GALNT13: variants seen among roughly 807,000 people sequenced by gnomAD.
GALNT13 encodes the protein UDP-GalNAc:polypeptide N-acetylgalactosaminyltransferase 13.
A neutral mutation model predicts 64.2 loss-of-function variants in GALNT13; 28 were observed. That is an observed-to-expected ratio of 0.44 (90% CI 0.32 to 0.60). GALNT13 has a LOEUF of 0.60. Ranked by LOEUF, GALNT13 falls within the 20% of genes least tolerant of loss-of-function variation. The probability of loss-of-function intolerance (pLI) is 0.05; values close to 1 mark genes in which losing one functional copy is unlikely to be tolerated. For missense variants in GALNT13, 577 were observed against 669.8 expected, an observed-to-expected ratio of 0.86 and a Z score of 1.53; for synonymous variants, 214 against 224.6, an observed-to-expected ratio of 0.95 and a Z score of 0.42.
intron 3 of GALNT13, among the ~76,000 whole-genome samples, chr2:154,132,649 A>C (rs949872410): frequency 6.6e-6 from 1 of 151,910 alleles, no homozygotes; most frequent in South Asian, 2.1e-4. Context: ...ACTTTGGGAG[A>C]CTGAGGCAGG....
intron 4 of GALNT13, among the ~76,000 whole-genome samples, chr2:154,173,935 T>C (rs1280212118): frequency 2.6e-5 from 4 of 152,052 alleles, no homozygotes; most frequent in Non-Finnish European, 4.4e-5. Flanking sequence ...CCACACACTG[T>C]TGGTGAGAAT....
intron 3 of GALNT13, among the ~76,000 whole-genome samples, chr2:154,101,812 T>C (rs1263563474): frequency 2.6e-5 from 4 of 152,134 alleles, no homozygotes; most frequent in African/African-American, 9.6e-5. Context: ...TTGCTTTTGC[T>C]GTATCCCAGA....
the GALNT13 span, among the ~76,000 whole-genome samples, chr2:153,227,093 A>G: frequency 6.6e-6 from 1 of 152,240 alleles, no homozygotes; most frequent in East Asian, 1.9e-4. Context: ...GTGATGGGAA[A>G]CAATGTCAAA....
Position 153,914,936 on chromosome 2 carries a change from C to T in GALNT13, c.-105+13929C>T, listed in dbSNP as rs536369328. 3.3e-5 allele frequency among the ~76,000 whole-genome samples: 5 copies of T among 152,220 alleles called. No homozygotes were observed. The South Asian group carries it at 8.3e-4, about 25-fold the overall frequency. On this transcript the variant is annotated intron_variant, in intron 2 of 12. Transcript: ENST00000392825. ...GACAGGAGGGTGCCTGGATCCTGTT[C>T]TCCAGTCTTTATCTTAGACATGGCC...
the GALNT13 span, among the ~76,000 whole-genome samples, chr2:153,294,730 A>C: frequency 1.3e-5 from 2 of 152,218 alleles, no homozygotes; most frequent in Admixed American, 1.3e-4. Context: ...TGTAAGAAAT[A>C]GAAAAGCTAG....
In GALNT13 at chr2:153,992,159, G is replaced by A. The variant is rs563196950; in HGVS notation, c.142+47520G>A. ...TGTTTTTATGTTATGTTTTCAATCC[G>A]TAAGTTCTTCAAATAACTAGAAAAA... On this transcript the variant is annotated intron_variant, in intron 3 of 12. Coordinates refer to ENST00000392825, the MANE Select transcript of GALNT13 (RefSeq NM_052917.4). 7.9e-5 allele frequency among the ~76,000 whole-genome samples: 12 copies of A among 152,140 alleles called. 1 individual carries two copies. The highest frequency in any genetic ancestry group is 4.1e-4 in the South Asian group (2 of 4,822).
the GALNT13 span, among the ~76,000 whole-genome samples, chr2:153,748,878 AG>A: frequency 6.6e-6 from 1 of 151,988 alleles, no homozygotes; most frequent in African/African-American, 2.4e-5. Flanking sequence ...GGAAAAAAAA[AG>A]AAAGAAAGAA....
chr2:153,973,515 T>C (rs1693875948), intron 3 of GALNT13, among the ~76,000 whole-genome samples: 1 of 152,010 alleles, frequency 6.6e-6, no homozygotes, highest in Non-Finnish European at 1.5e-5. Flanking sequence ...TCAACTCATA[T>C]AGTACCTTAT....
At chr2:153,910,687 T>C (rs1266171200) in intron 2 of GALNT13, among the ~76,000 whole-genome samples, 1 of 152,208 alleles carries the variant, frequency 6.6e-6, no homozygotes, top group East Asian at 1.9e-4. Context: ...TTAATTTCAT[T>C]ATTTACCCCA....
the GALNT13 span, among the ~76,000 whole-genome samples, chr2:153,758,646 G>T: frequency 6.6e-6 from 1 of 152,164 alleles, no homozygotes; most frequent in African/African-American, 2.4e-5. Flanking sequence ...AGGCTGGAGT[G>T]CAATGGCATG....
At chr2:153,241,117 A>G in the GALNT13 span, among the ~76,000 whole-genome samples, 2 of 152,024 alleles carry the variant, frequency 1.3e-5, no homozygotes, top group Admixed American at 6.6e-5. Flanking sequence ...TGTGGAGGGG[A>G]TCTCAAAAGG....
At chr2:153,350,296 T>C in the GALNT13 span, among the ~76,000 whole-genome samples, 1 of 152,192 alleles carries the variant, frequency 6.6e-6, no homozygotes. Flanking sequence ...AATTCATCTT[T>C]TCAGAAACGT....
At chr2:154,309,089 T>A (rs983803230) in intron 9 of GALNT13, among the ~76,000 whole-genome samples, 3 of 152,194 alleles carry the variant, frequency 2.0e-5, no homozygotes, top group Non-Finnish European at 4.4e-5. Flanking sequence ...TAAAATGTTG[T>A]CTTTGCCGTT....
intron 3 of GALNT13, among the ~76,000 whole-genome samples, chr2:153,971,181 C>T (rs1221193693): frequency 6.6e-6 from 1 of 152,126 alleles, no homozygotes; most frequent in South Asian, 2.1e-4. Context: ...TTTTCTACCT[C>T]ACCTTATTCA....
chr2:153,796,005 C>G, the GALNT13 span, among the ~76,000 whole-genome samples: 2 of 152,272 alleles, frequency 1.3e-5, no homozygotes, highest in African/African-American at 2.4e-5. Context: ...GAATGCAAGT[C>G]GAGAAGAAAG....
the GALNT13 span, among the ~76,000 whole-genome samples, chr2:153,773,896 A>T: frequency 6.6e-6 from 1 of 152,128 alleles, no homozygotes; most frequent in Non-Finnish European, 1.5e-5. Flanking sequence ...TCAAATTATA[A>T]AACTGACCCT....
At chr2:153,926,482 G>A (rs1690144858) in intron 2 of GALNT13, 1 of 152,058 alleles carries the variant, frequency 6.6e-6, no homozygotes, top group African/African-American at 2.4e-5. Context: ...GGTTTGAAAA[G>A]TTAGCCATTT....
intron 3 of GALNT13, among the ~76,000 whole-genome samples, chr2:154,092,243 A>G (rs1017168046): frequency 6.6e-6 from 1 of 151,952 alleles, no homozygotes. Context: ...CGTTTGATAG[A>G]TCTCATGTAT....
chr2:153,233,289 A>G, the GALNT13 span, among the ~76,000 whole-genome samples: 3 of 152,044 alleles, frequency 2.0e-5, no homozygotes, highest in Non-Finnish European at 4.4e-5. Flanking sequence ...CACAGGTCAT[A>G]TTCTCTCCAG....
Sources: gnomAD v4.1 joint callset for allele counts (sites outside exome capture counted in the v4.1 genomes callset) on GRCh38, gnomAD v4.1.1 for gene constraint, MANE v1.5 for transcripts, NCBI Gene and HGNC (gene_info 2026-07-23, HGNC 2026-07-21) for gene names.